Variants in TIAM1 observed in about 807,000 individuals in gnomAD.
TIAM1 encodes the protein rho guanine nucleotide exchange factor TIAM1.
Under a neutral mutation model 163.5 loss-of-function variants are expected in TIAM1, and 65 were observed. The ratio of observed to expected loss-of-function variants is 0.40; its 90% CI spans 0.33 to 0.49. TIAM1 has a LOEUF of 0.49. Ranked by LOEUF, TIAM1 falls within the 20% of genes least tolerant of loss-of-function variation. The probability of loss-of-function intolerance (pLI) is 0.77; values close to 1 mark genes in which losing one functional copy is unlikely to be tolerated. For missense variants in TIAM1, 1,789 were observed against 2,044.7 expected (o/e 0.87, Z 2.41); for synonymous variants, 833 against 810.1 (o/e 1.03, Z -0.48).
intron 2 of TIAM1, among the ~76,000 whole-genome samples, chr21:31,411,752 A>G (rs1367348613): frequency 6.6e-6 from 1 of 152,206 alleles, no homozygotes; most frequent in Non-Finnish European, 1.5e-5. Flanking sequence ...CTGGGATTAC[A>G]GGCATGAGCT....
intron 2 of TIAM1, among the ~76,000 whole-genome samples, chr21:31,371,772 A>C (rs2076600419): frequency 6.6e-6 from 1 of 152,194 alleles, no homozygotes; most frequent in Admixed American, 6.5e-5. Flanking sequence ...AAGAGGAAGG[A>C]CAGGAAAGTC....
Position 31,146,955 on chromosome 21 carries a change from A to G in TIAM1, c.3415T>C (p.Phe1139Leu). The change falls in exon 20 of 28, where the codon TTC becomes CTC. Residue 1139 changes from phenylalanine to leucine, a missense_variant. By Grantham distance (22) the Phe-to-Leu change is conservative. Transcript: ENST00000541036. ...GGSFLYYADR[F>L]KLYSAFCASH... ...GCGCAGAAGGCACTGTAGAGCTTGA[A>G]GCGGTCAGCATAATACAGGAATGAT... 1 of 1,614,138 alleles carries G rather than the reference A, an allele frequency of 6.2e-7. No individual in the cohort carries two copies. The highest frequency in any genetic ancestry group is 8.5e-7 in the Non-Finnish European group (1 of 1,180,028).
chr21:31,355,354 G>A (rs553298018), intron 2 of TIAM1, among the ~76,000 whole-genome samples: 22 of 151,928 alleles, frequency 1.4e-4, no homozygotes, highest in Non-Finnish European at 2.6e-4. Context: ...ATTTGCTCCC[G>A]TGCAAACTTG....
intron 1 of TIAM1, among the ~76,000 whole-genome samples, chr21:31,492,102 A>G (rs1288054821): frequency 6.6e-6 from 1 of 152,218 alleles, no homozygotes; most frequent in East Asian, 1.9e-4. Flanking sequence ...ATGCATACGT[A>G]TGTGTATATG....
At chr21:31,489,831 T>C (rs938306885) in intron 1 of TIAM1, among the ~76,000 whole-genome samples, 9 of 152,220 alleles carry the variant, frequency 5.9e-5, no homozygotes, top group African/African-American at 2.2e-4. Context: ...CCACTTCATC[T>C]GGCTGTTCAT....
chr21:31,443,829 T>G (rs2044522340), intron 2 of TIAM1, among the ~76,000 whole-genome samples: 1 of 152,240 alleles, frequency 6.6e-6, no homozygotes, highest in South Asian at 2.1e-4. Context: ...AGAGCATCCC[T>G]ATCCCTCCTG....
chr21:31,554,942 G>A (rs2048822430), intron 1 of TIAM1, among the ~76,000 whole-genome samples: 1 of 152,154 alleles, frequency 6.6e-6, no homozygotes, highest in Admixed American at 6.5e-5. Flanking sequence ...GGTCCCTGGA[G>A]ACCACAGGAA....
intron 15 of TIAM1, among the ~76,000 whole-genome samples, chr21:31,178,854 C>T (rs1224695814): frequency 3.3e-5 from 5 of 151,094 alleles, no homozygotes; most frequent in Admixed American, 6.6e-5. Flanking sequence ...TGGGTTCAAG[C>T]GATTCTGCCG....
chr21:31,188,210 T>C (rs2085390590), intron 13 of TIAM1, among the ~76,000 whole-genome samples: 1 of 152,158 alleles, frequency 6.6e-6, no homozygotes. Flanking sequence ...CTAATTGCCA[T>C]CGCCCTCTCA....
At chr21:31,130,156 AT>A in intron 25 of TIAM1, 56 bp downstream of exon 25, 23 of 1,480,432 alleles carry the variant, frequency 1.6e-5, no homozygotes, top group Non-Finnish European at 1.8e-5. Flanking sequence ...CAAACAAATA[AT>A]TCCTACACAC....
chr21:31,325,641 C>T (rs1276548398), intron 2 of TIAM1, among the ~76,000 whole-genome samples: 1 of 147,708 alleles, frequency 6.8e-6, no homozygotes, highest in Non-Finnish European at 1.5e-5. Context: ...GCACTCCAGC[C>T]TGGGCGACAG....
intron 2 of TIAM1, among the ~76,000 whole-genome samples, chr21:31,355,219 G>A (rs181844453): frequency 1.7e-4 from 25 of 149,528 alleles, no homozygotes; most frequent in East Asian, 1.6e-3. Context: ...CCCATTAACC[G>A]TCTGGTAGAA....
chr21:31,345,963 A>T (rs1436554776), upstream of TIAM1, among the ~76,000 whole-genome samples: 1 of 152,178 alleles, frequency 6.6e-6, no homozygotes, highest in East Asian at 1.9e-4. Flanking sequence ...AAATAAATAA[A>T]TAAACAGAAT....
intron 27 of TIAM1, among the ~76,000 whole-genome samples, chr21:31,122,415 T>C (rs2082037324): frequency 6.6e-6 from 1 of 152,218 alleles, no homozygotes; most frequent in African/African-American, 2.4e-5. Flanking sequence ...TGGAAATATT[T>C]GTTAATGATT....
At chr21:31,323,307 A>G (rs190479442) in intron 2 of TIAM1, among the ~76,000 whole-genome samples, 33 of 152,026 alleles carry the variant, frequency 2.2e-4, no homozygotes, top group African/African-American at 7.5e-4. Flanking sequence ...AAAAAGAAAG[A>G]AAGTGCATGA....
At chr21:31,179,502 T>C (rs1727608287) in intron 15 of TIAM1, among the ~76,000 whole-genome samples, 1 of 149,938 alleles carries the variant, frequency 6.7e-6, no homozygotes, top group Non-Finnish European at 1.5e-5. Context: ...TGGCACATAG[T>C]AAATACTTAA....
chr21:31,304,506 AC>A (rs1204277176), intron 2 of TIAM1, among the ~76,000 whole-genome samples: 1 of 152,100 alleles, frequency 6.6e-6, no homozygotes, highest in Non-Finnish European at 1.5e-5. Flanking sequence ...GTTCAATTCC[AC>A]TCAGCCAAAC....
intron 2 of TIAM1, among the ~76,000 whole-genome samples, chr21:31,420,164 T>C (rs1328200656): frequency 6.6e-6 from 1 of 152,210 alleles, no homozygotes; most frequent in Non-Finnish European, 1.5e-5. Flanking sequence ...CTGAGCTACC[T>C]GAGAACCTAG....
At chr21:31,439,770 GCA>G (rs2044354319) in intron 2 of TIAM1, among the ~76,000 whole-genome samples, 1 of 152,204 alleles carries the variant, frequency 6.6e-6, no homozygotes, top group Admixed American at 6.5e-5. Context: ...AAAGTTGGCA[GCA>G]CTGAGTGCTA....
Sources: allele counts gnomAD v4.1 joint callset (sites outside exome capture counted in the v4.1 genomes callset), GRCh38; gene constraint gnomAD v4.1.1; transcripts MANE v1.5; gene names NCBI Gene and HGNC (gene_info 2026-07-23, HGNC 2026-07-21).